Variants in CD47 observed in about 807,000 individuals in gnomAD.
The protein encoded by CD47 is leukocyte surface antigen CD47.
In CD47, 11 loss-of-function variants were observed where a neutral mutation model predicts 44.6. The observed-to-expected ratio is 0.25, with a 90% confidence interval of 0.16 to 0.41. The LOEUF is 0.41. Among genes scored for constraint, CD47 ranks in the 10% least tolerant of loss-of-function variants. The probability of loss-of-function intolerance (pLI) is 1.00; values close to 1 mark genes in which losing one functional copy is unlikely to be tolerated. For missense variants in CD47, 306 were observed against 386.7 expected, an observed-to-expected ratio of 0.79 and a Z score of 1.75; for synonymous variants, 140 against 136.3, an observed-to-expected ratio of 1.03 and a Z score of -0.19.
chr3:108,060,485 CTG>C (rs1269195780), intron 4 of CD47, among the ~76,000 whole-genome samples: 20 of 152,312 alleles, frequency 1.3e-4, no homozygotes, highest in Non-Finnish European at 5.9e-5. Flanking sequence ...ATGATAAACA[CTG>C]TCATTCTTCA....
intron 4 of CD47, 45 bp downstream of exon 4, chr3:108,060,700 A>T: frequency 7.9e-7 from 1 of 1,265,340 alleles, no homozygotes; most frequent in Non-Finnish European, 1.2e-6. Context: ...CTTGGAATGC[A>T]CTCATCTACC....
intron 6 of CD47, 71 bp from the exon 7 acceptor site, chr3:108,057,640 C>A (rs2108230861): frequency 3.8e-6 from 3 of 794,768 alleles, no homozygotes; most frequent in Non-Finnish European, 6.4e-6. Context: ...GTAATAATCC[C>A]AAGTTTTAAG....
At chr3:108,090,768 C>T (rs1379692208) in intron 1 of CD47, 95 bp downstream of exon 1, 30 of 1,217,412 alleles carry the variant, frequency 2.5e-5, no homozygotes, top group Non-Finnish European at 3.2e-5. Context: ...CGGCCACCCT[C>T]TTCAGGGCGC....
chr3:108,073,484 G>T (rs2079248513), intron 2 of CD47, among the ~76,000 whole-genome samples: 2 of 152,082 alleles, frequency 1.3e-5, no homozygotes, highest in Admixed American at 6.6e-5. Flanking sequence ...AGGCCTCTAG[G>T]GAGAGGAACG....
Position 108,071,522 on chromosome 3 carries a change from A to G in CD47, c.401-340T>C, listed in dbSNP as rs570611972. The stretch of plus-strand genomic sequence containing the variant: ...GAACCCAACTCTAACTTAACACTCT[A>G]TGGAACCGTGACCACGTGTCAACAC... On this transcript the variant is annotated intron_variant, in intron 2 of 10. Coordinates refer to ENST00000361309, the MANE Select transcript of CD47 (RefSeq NM_001777.4). Among the ~76,000 whole-genome samples the G allele has an allele frequency of 5.3e-5, 8 of 152,308 alleles. No individual in the cohort carries two copies. In the South Asian group the frequency reaches 1.4e-3, roughly 28 times the overall value.
At chr3:108,060,572 A>C (rs1312353484) in intron 4 of CD47, among the ~76,000 whole-genome samples, 173 bp downstream of exon 4, 1 of 152,186 alleles carries the variant, frequency 6.6e-6, no homozygotes, top group Non-Finnish European at 1.5e-5. Flanking sequence ...GGCCCTGATG[A>C]CGTCCTGATT....
chr3:108,086,052 A>G (rs1336287453), intron 1 of CD47, among the ~76,000 whole-genome samples: 1 of 152,138 alleles, frequency 6.6e-6, no homozygotes, highest in East Asian at 1.9e-4. Flanking sequence ...TGTTATGGGA[A>G]AGAAGGGGCT....
chr3:108,071,036 C>T lies in CD47; in HGVS notation c.490+57G>A, dbSNP rs2079191668. ...TTTAAATATTTCGCTGACAATGTCT[C>T]GTAGAAATAACTATATCATCACTGA... On this transcript the variant is annotated intron_variant, in intron 3 of 10. Coordinates refer to ENST00000361309, the MANE Select transcript of CD47 (RefSeq NM_001777.4). The T allele has an allele frequency of 5.4e-6, 4 of 740,224 alleles. No individual in the cohort carries two copies. The Admixed American group carries it at 1.0e-4, about 19-fold the overall frequency. The allele number at this position is 740,224 out of a possible 1,614,324, so 45.9% of individuals were successfully genotyped here. A position where few individuals can be genotyped will look rare whatever the true frequency, so the allele number is the denominator to read the frequency against.
chr3:108,070,091 A>T (rs989887459), intron 3 of CD47, among the ~76,000 whole-genome samples: 1 of 152,224 alleles, frequency 6.6e-6, no homozygotes, highest in African/African-American at 2.4e-5. Flanking sequence ...CGCTTAAAAC[A>T]TATAATCAAT....
At chr3:108,074,462 C>T (rs887907575) in intron 2 of CD47, among the ~76,000 whole-genome samples, 6 of 151,972 alleles carry the variant, frequency 3.9e-5, no homozygotes, top group East Asian at 3.9e-4. Context: ...TATAGGCAGG[C>T]GCCACCATGC....
rs922778672 is a variant in CD47, at chr3:108,070,501, T to C, written c.490+592A>G. 6.6e-5 allele frequency among the ~76,000 whole-genome samples: 10 copies of C among 152,222 alleles called. 1 individual carries two copies. The highest frequency in any genetic ancestry group is 1.9e-4 in the African/African-American group (8 of 41,460). On this transcript the variant is annotated intron_variant, in intron 3 of 10. Transcript: ENST00000361309. ...TGTTGAAGCTAAATCTAATGCAGCA[T>C]CAAGATCTGCCTTCAGAAGTCTGGT...
intron 2 of CD47, among the ~76,000 whole-genome samples, chr3:108,074,901 G>GA (rs532728833): frequency 2.6e-5 from 4 of 151,970 alleles, no homozygotes; most frequent in East Asian, 1.9e-4. Context: ...GATGCTGGGG[G>GA]AAAAAAACCA....
rs200924081 is a variant in CD47, at chr3:108,060,734, G to A, written c.598+11C>T. On this transcript the variant is annotated intron_variant, in intron 4 of 10. Coordinates refer to ENST00000361309, the MANE Select transcript of CD47 (RefSeq NM_001777.4). Reference sequence around the variant, plus strand: ...CCTCCTGCGTTCCTGCCTAGGAACTGCACATCTTACCTGGGACGAAAAGAA... The same window carrying A: ...CCTCCTGCGTTCCTGCCTAGGAACTACACATCTTACCTGGGACGAAAAGAA... 151 of 1,576,062 alleles carry A rather than the reference G, an allele frequency of 9.6e-5. No individual in the cohort carries two copies. The African/African-American group carries it at 1.6e-3, about 17-fold the overall frequency.
At chr3:108,065,656 C>T (rs576001224) in intron 3 of CD47, among the ~76,000 whole-genome samples, 26 of 151,508 alleles carry the variant, frequency 1.7e-4, no homozygotes, top group Non-Finnish European at 3.4e-4. Context: ...ACTAAAAATA[C>T]AAAAATTACC....
chr3:108,065,299 G>A (rs1022988829), intron 3 of CD47, among the ~76,000 whole-genome samples: 7 of 152,154 alleles, frequency 4.6e-5, no homozygotes, highest in African/African-American at 1.2e-4. Flanking sequence ...TCCCTGCCTT[G>A]TGGATTTCAC....
chr3:108,051,597 T>C (rs557412976), intron 8 of CD47, among the ~76,000 whole-genome samples: 1 of 152,362 alleles, frequency 6.6e-6, no homozygotes, highest in South Asian at 2.1e-4. Flanking sequence ...TGTCATTCTG[T>C]GTATGCACAT....
At chr3:108,057,941 T>C (rs923438741) in intron 6 of CD47, among the ~76,000 whole-genome samples, 5 of 152,206 alleles carry the variant, frequency 3.3e-5, no homozygotes, top group Admixed American at 2.0e-4. Context: ...AAAGCACTAT[T>C]ACCACTGGGG....
chr3:108,051,800 G>A (rs2078833667), intron 8 of CD47, 139 bp downstream of exon 8: 1 of 730,654 alleles, frequency 1.4e-6, no homozygotes, highest in Non-Finnish European at 2.6e-6. Context: ...ACCCATTCAT[G>A]CAAAGGTCAT....
chr3:108,087,100 A>T (rs1224031232), intron 1 of CD47, among the ~76,000 whole-genome samples: 1 of 152,154 alleles, frequency 6.6e-6, no homozygotes, highest in Admixed American at 6.5e-5. Flanking sequence ...ATGGAGTAAG[A>T]AGTCTCAGCA....
Sources: gnomAD v4.1 joint callset for allele counts (sites outside exome capture counted in the v4.1 genomes callset) on GRCh38, gnomAD v4.1.1 for gene constraint, MANE v1.5 for transcripts, NCBI Gene and HGNC (gene_info 2026-07-23, HGNC 2026-07-21) for gene names.